SVEP1: variants seen among roughly 807,000 people sequenced by gnomAD.
SVEP1 encodes the protein sushi, von Willebrand factor type A, EGF and pentraxin domain containing 1.
Under a neutral mutation model 367.3 loss-of-function variants are expected in SVEP1, and 164 were observed. The ratio of observed to expected loss-of-function variants is 0.45; its 90% confidence interval spans 0.39 to 0.51. The LOEUF is 0.51. Among genes scored for constraint, SVEP1 ranks in the 20% least tolerant of loss-of-function variants. The probability of loss-of-function intolerance (pLI) is 0.00; values close to 1 mark genes in which losing one functional copy is unlikely to be tolerated. For missense variants in SVEP1, 4,117 were observed against 4,425.3 expected, an observed-to-expected ratio of 0.93 and a Z score of 1.98; for synonymous variants, 1,666 against 1,611.6, an observed-to-expected ratio of 1.03 and a Z score of -0.81.
intron 47 of SVEP1, among the ~76,000 whole-genome samples, chr9:110,367,679 G>C (rs1354721124): frequency 7.2e-6 from 1 of 138,740 alleles, no homozygotes; most frequent in Non-Finnish European, 1.6e-5. Flanking sequence ...ATTGATTCAT[G>C]CTTGGCCATT....
chr9:110,579,405 G>C lies in SVEP1; in HGVS notation c.139C>G (p.Pro47Ala). 2 of 1,576,396 alleles carry C rather than the reference G, an allele frequency of 1.3e-6. No individual in the cohort carries two copies. The highest frequency in any genetic ancestry group is 2.7e-5 in the African/African-American group (2 of 74,104). The change falls in exon 1 of 48, where the codon CCC (proline) becomes GCC (alanine). Residue 47 changes from proline (P) to alanine (A), a missense_variant. By Grantham distance (27) the Pro-to-Ala change is conservative (BLOSUM62 -1). Around this residue, in one of 4 missense-constraint regions of SVEP1, gnomAD observed 161 missense variants for 122.4 expected, o/e 1.32. Transcript: ENST00000374469. The surrounding 1 kb of genome is among the most constrained non-coding windows in gnomAD (Gnocchi z 5.3). ...ETAPGAPGSI[P>A]APPAPGDEAA... ...TCGTCGCCAGGAGCGGGCGGCGCGG[G>C]GATACTCCCGGGGGCCCCGGGCGCG...
intron 3 of SVEP1, among the ~76,000 whole-genome samples, chr9:110,541,597 TATTATCTCAAA>T (rs1830145492): frequency 6.6e-6 from 1 of 152,042 alleles, no homozygotes; most frequent in South Asian, 2.1e-4. Context: ...ATGACAATTA[TATTATCTCAAA>T]ATAATCGTTA....
chr9:110,389,916 T>C (rs897866107), intron 40 of SVEP1, among the ~76,000 whole-genome samples: 3 of 151,520 alleles, frequency 2.0e-5, no homozygotes, highest in Admixed American at 6.6e-5. Context: ...TTCTTAGAAA[T>C]ATATGAATCA....
intron 43 of SVEP1, among the ~76,000 whole-genome samples, chr9:110,384,466 T>C (rs981960082): frequency 1.3e-5 from 2 of 152,090 alleles, no homozygotes; most frequent in African/African-American, 2.4e-5. Context: ...TGTTTCTAGT[T>C]GGCCATCTTG....
At chr9:110,389,815 C>T (rs1827599519) in intron 40 of SVEP1, among the ~76,000 whole-genome samples, 1 of 146,230 alleles carries the variant, frequency 6.8e-6, no homozygotes, top group Non-Finnish European at 1.5e-5. Context: ...AAGGTACAGA[C>T]TTTGCTTCAC....
intron 41 of SVEP1, 82 bp downstream of exon 41, chr9:110,389,442 A>T (rs1430487545): frequency 1.3e-6 from 2 of 1,526,624 alleles, no homozygotes; most frequent in African/African-American, 2.8e-5. Context: ...TTACAAAACT[A>T]ACCTATAAAG....
At chr9:110,566,547 T>A (rs1419623062) in intron 1 of SVEP1, among the ~76,000 whole-genome samples, 2 of 152,068 alleles carry the variant, frequency 1.3e-5, no homozygotes, top group Non-Finnish European at 2.9e-5. Context: ...CCAATTACAA[T>A]GCAACCAACA....
chr9:110,484,369 G>C (rs1434201586), intron 9 of SVEP1, among the ~76,000 whole-genome samples: 2 of 152,168 alleles, frequency 1.3e-5, no homozygotes, highest in Non-Finnish European at 2.9e-5. Context: ...CTGGGAGTCT[G>C]TGTTGCTGAG....
At chr9:110,507,044 AAG>A (rs952075125) in intron 5 of SVEP1, among the ~76,000 whole-genome samples, 2 of 152,190 alleles carry the variant, frequency 1.3e-5, no homozygotes, top group African/African-American at 4.8e-5. Context: ...GAGAGGAAAA[AAG>A]AGTCGGTGCC....
chr9:110,544,762 C>T (rs1320417495), intron 3 of SVEP1, among the ~76,000 whole-genome samples: 14 of 148,118 alleles, frequency 9.5e-5, no homozygotes, highest in East Asian at 2.1e-4. Flanking sequence ...ATCATTTATT[C>T]GTGTTGGGAA....
intron 21 of SVEP1, 43 bp from the exon 22 acceptor site, chr9:110,455,746 A>G: frequency 6.8e-7 from 1 of 1,467,990 alleles, no homozygotes; most frequent in Non-Finnish European, 9.3e-7. Context: ...CAAGGATGGG[A>G]TTAACCGAAA....
chr9:110,416,445 T>C (rs1828122128), intron 36 of SVEP1, among the ~76,000 whole-genome samples: 1 of 151,658 alleles, frequency 6.6e-6, no homozygotes, highest in Non-Finnish European at 1.5e-5. Flanking sequence ...AAGAAATATA[T>C]GAGGAAATTA....
At chr9:110,399,660 AG>A (rs145688492) in intron 40 of SVEP1, among the ~76,000 whole-genome samples, 3,202 of 151,964 alleles carry the variant, frequency 0.021, 109 homozygotes, top group African/African-American at 0.073. Flanking sequence ...CAGCCTCCTG[AG>A]TCGCTGGGAC....
At chr9:110,397,231 A>G (rs372669895) in intron 40 of SVEP1, among the ~76,000 whole-genome samples, 456 of 121,890 alleles carry the variant, frequency 3.7e-3, no homozygotes, top group Middle Eastern at 4.8e-3. Context: ...AAACAGAACC[A>G]AAGACAAAAA....
At chr9:110,391,109 T>G (rs902298243) in intron 40 of SVEP1, among the ~76,000 whole-genome samples, 1 of 152,182 alleles carries the variant, frequency 6.6e-6, no homozygotes, top group African/African-American at 2.4e-5. Context: ...AAAATGTCGT[T>G]TTCAAATTTC....
intron 11 of SVEP1, among the ~76,000 whole-genome samples, 165 bp from the exon 12 acceptor site, chr9:110,481,601 T>C (rs1349629631): frequency 1.3e-5 from 2 of 152,326 alleles, no homozygotes; most frequent in East Asian, 3.9e-4. Flanking sequence ...ACACATGCTT[T>C]TTGGTTCCTA....
rs538523292 is a variant in SVEP1 at position 110,540,685 on chromosome 9, C to T, written c.964+5430G>A. ...AAGGGAAATTATAAACCAGTTCAAA[C>T]ATATCATATGCTATAAAACTGAACT... is the stretch of plus-strand genomic sequence containing the variant. On this transcript the variant is annotated intron_variant, in intron 3 of 47. Transcript: ENST00000374469. Among the ~76,000 whole-genome samples, 15 of 152,228 alleles carry T rather than the reference C, an allele frequency of 9.9e-5. 1 individual carries two copies. The highest frequency in any genetic ancestry group is 3.6e-4 in the African/African-American group (15 of 41,566).
At chr9:110,472,555 T>C (rs1197190654) in intron 14 of SVEP1, among the ~76,000 whole-genome samples, 1 of 152,200 alleles carries the variant, frequency 6.6e-6, no homozygotes, top group Non-Finnish European at 1.5e-5. Context: ...AAAGTCTCTA[T>C]GGAACTACTA....
At chr9:110,415,051 G>A (rs888442178) in intron 36 of SVEP1, among the ~76,000 whole-genome samples, 1 of 151,940 alleles carries the variant, frequency 6.6e-6, no homozygotes, top group African/African-American at 2.4e-5. Context: ...TTACGTATTT[G>A]AGCAAACAAC....
Sources: allele counts gnomAD v4.1 joint callset (sites outside exome capture counted in the v4.1 genomes callset), GRCh38; gene constraint gnomAD v4.1.1; regional missense constraint gnomAD v4.1.1; non-coding constraint Gnocchi (gnomAD v3.1); transcripts MANE v1.5; gene names NCBI Gene and HGNC (gene_info 2026-07-23, HGNC 2026-07-21).